The following TENM2 variants were observed in gnomAD, a reference collection of about 807,000 sequenced individuals.
TENM2 encodes the protein teneurin transmembrane protein 2.
A neutral mutation model predicts 245.2 loss-of-function variants in TENM2; 52 were observed. The observed-to-expected ratio is 0.21, with a 90% CI of 0.17 to 0.27. TENM2 has a LOEUF of 0.27. Ranked by LOEUF, TENM2 falls within the 10% of genes least tolerant of loss-of-function variation. The pLI is 1.00. For synonymous variants in TENM2, 1,363 were observed against 1,438.9 expected, an observed-to-expected ratio of 0.95 and a Z score of 1.19; for missense variants, 3,046 against 3,666.8, an observed-to-expected ratio of 0.83 and a Z score of 4.37.
the TENM2 span, among the ~76,000 whole-genome samples, chr5:166,999,919 A>G: frequency 6.6e-6 from 1 of 152,160 alleles, no homozygotes; most frequent in Non-Finnish European, 1.5e-5. Context: ...ACTGGAAAAT[A>G]CCAGCATTGC....
At chr5:167,049,300 T>C in the TENM2 span, among the ~76,000 whole-genome samples, 2 of 152,252 alleles carry the variant, frequency 1.3e-5, no homozygotes, top group Non-Finnish European at 2.9e-5. Flanking sequence ...GTCACGTGTA[T>C]GTTTACCACT....
chr5:167,951,899 T>C (rs1397696648), intron 3 of TENM2, among the ~76,000 whole-genome samples: 1 of 152,092 alleles, frequency 6.6e-6, no homozygotes, highest in East Asian at 1.9e-4. Flanking sequence ...CATACATATA[T>C]ATAAATCTCA....
chr5:167,342,836 C>T (rs1306824221), intron 1 of TENM2, among the ~76,000 whole-genome samples: 4 of 147,246 alleles, frequency 2.7e-5, no homozygotes, highest in Non-Finnish European at 6.0e-5. Flanking sequence ...CAAAGTTATT[C>T]TTTATCGTCC....
rs185358428 is a variant in TENM2 at position 167,993,769 on chromosome 5, T to C, written c.1186+587T>C. On this transcript the variant is annotated intron_variant, in intron 5 of 28. Coordinates refer to ENST00000518659, the Ensembl canonical transcript of TENM2. Reference sequence around the variant, plus strand: ...CATATCCCTTCCACAGCCTCTGTCTTCTCATCCTCAACTCTCTCCTCACCA... The same window carrying C: ...CATATCCCTTCCACAGCCTCTGTCTCCTCATCCTCAACTCTCTCCTCACCA... Among the ~76,000 whole-genome samples, 93 of 152,318 alleles carry C rather than the reference T, an allele frequency of 6.1e-4. 1 individual carries two copies. The highest frequency in any genetic ancestry group is 3.4e-3 in the Middle Eastern group (1 of 294).
chr5:167,928,887 C>T lies in TENM2; in HGVS notation c.713-23701C>T, dbSNP rs1411529179. On this transcript the variant is annotated intron_variant, in intron 3 of 28. Transcript: ENST00000518659. ...CTCCAGCCTGGGTGACAGAGGGAGA[C>T]CCTGGCTCAAAAAAAAAAAAAAAAA... is the stretch of plus-strand genomic sequence containing the variant. Among the ~76,000 whole-genome samples the T allele has an allele frequency of 2.9e-5, 3 of 103,398 alleles. No homozygotes were observed. The Admixed American group carries it at 3.7e-4, about 13-fold the overall frequency. The allele number at this position is 103,398 out of a possible 152,430, so 67.8% of individuals were successfully genotyped here.
chr5:167,620,623 T>C (rs1233270077), intron 2 of TENM2, among the ~76,000 whole-genome samples: 6 of 141,038 alleles, frequency 4.3e-5, no homozygotes, highest in African/African-American at 7.6e-5. Flanking sequence ...TGAGAACATA[T>C]ATCAATTCAG....
At chr5:167,673,338 A>G (rs1385720908) in intron 2 of TENM2, among the ~76,000 whole-genome samples, 2 of 152,098 alleles carry the variant, frequency 1.3e-5, no homozygotes, top group African/African-American at 4.8e-5. Context: ...AGCATAAAAG[A>G]TGGTTCCCAT....
At chr5:167,603,829 G>C (rs1407482692) in intron 2 of TENM2, among the ~76,000 whole-genome samples, 1 of 152,160 alleles carries the variant, frequency 6.6e-6, no homozygotes, top group Non-Finnish European at 1.5e-5. Context: ...GTTCTTGCTG[G>C]TAAGACATAG....
In TENM2 at chr5:168,109,182, C is replaced by A. The variant is rs200907688; in HGVS notation, c.1814-9110C>A. ...ACCTCTCTTTCCTCCCACCCCTGACCTAAAGAAACATACAGGGATTCTTTG... is the reference window on the plus strand; with the variant it reads ...ACCTCTCTTTCCTCCCACCCCTGACATAAAGAAACATACAGGGATTCTTTG... On this transcript the variant is annotated intron_variant, in intron 9 of 28. Coordinates refer to ENST00000518659, the Ensembl canonical transcript of TENM2. Among the ~76,000 whole-genome samples the A allele has an allele frequency of 3.3e-5, 5 of 152,282 alleles. No individual in the cohort carries two copies. The East Asian group carries it at 7.7e-4, about 24-fold the overall frequency.
chr5:167,548,947 T>C (rs969499623), intron 2 of TENM2, among the ~76,000 whole-genome samples: 2 of 152,340 alleles, frequency 1.3e-5, no homozygotes, highest in East Asian at 3.9e-4. Flanking sequence ...TCCTGCAGAA[T>C]TGTAGAGCAG....
At chr5:168,105,719 T>C (rs1794188534) in intron 9 of TENM2, among the ~76,000 whole-genome samples, 1 of 152,178 alleles carries the variant, frequency 6.6e-6, no homozygotes, top group Non-Finnish European at 1.5e-5. Context: ...GGCATTTCTT[T>C]CCTGGCAATT....
chr5:167,729,834 G>A (rs141271413), intron 2 of TENM2, among the ~76,000 whole-genome samples: 273 of 152,280 alleles, frequency 1.8e-3, no homozygotes, highest in Non-Finnish European at 3.5e-3. Context: ...TTTCTAGCTG[G>A]CAATAAATGG....
chr5:168,058,786 CT>C (rs1469717608), intron 6 of TENM2, among the ~76,000 whole-genome samples: 2 of 152,148 alleles, frequency 1.3e-5, no homozygotes, highest in African/African-American at 4.8e-5. Context: ...GTTTTTCATC[CT>C]TTTTTTCATT....
the TENM2 span, among the ~76,000 whole-genome samples, chr5:167,012,530 G>A: frequency 2.0e-5 from 3 of 152,214 alleles, no homozygotes; most frequent in Non-Finnish European, 4.4e-5. Flanking sequence ...GGGAAGAACT[G>A]TCAGAGGAAG....
intron 2 of TENM2, among the ~76,000 whole-genome samples, chr5:167,727,416 G>A (rs1012575995): frequency 6.6e-6 from 1 of 152,110 alleles, no homozygotes; most frequent in African/African-American, 2.4e-5. Flanking sequence ...CCGGCCATCC[G>A]TTAATTTCTT....
chr5:167,384,714 G>GCA (rs1331679814), intron 2 of TENM2, among the ~76,000 whole-genome samples: 25 of 108,672 alleles, frequency 2.3e-4, no homozygotes, highest in East Asian at 2.1e-3. Context: ...GCGCACACAC[G>GCA]CACACACACA....
At chr5:167,133,273 C>T in the TENM2 span, among the ~76,000 whole-genome samples, 5 of 152,090 alleles carry the variant, frequency 3.3e-5, no homozygotes, top group African/African-American at 1.2e-4. Context: ...TTTTATGATC[C>T]GGGGAGCCGT....
chr5:168,226,309 C>T, intron 24 of TENM2, 46 bp downstream of exon 26: 1 of 1,565,682 alleles, frequency 6.4e-7, no homozygotes, highest in Non-Finnish European at 8.7e-7. Context: ...CACCCATAGA[C>T]CCAGAACCCA....
chr5:168,248,438 G>A (rs1766798047), intron 27 of TENM2, 67 bp downstream of exon 29: 3 of 1,484,176 alleles, frequency 2.0e-6, no homozygotes, highest in Non-Finnish European at 2.7e-6. Context: ...TGGGGAACTT[G>A]GGAGGAAGGT....
Sources: gnomAD v4.1 joint callset for allele counts (sites outside exome capture counted in the v4.1 genomes callset) on GRCh38, gnomAD v4.1.1 for gene constraint, MANE v1.5 for transcripts, NCBI Gene and HGNC (gene_info 2026-07-23, HGNC 2026-07-21) for gene names.